The following ZNF263 variants were observed in gnomAD, a reference collection of about 807,000 sequenced individuals.
The protein encoded by ZNF263 is zinc finger protein FPM315.
A neutral mutation model predicts 63.1 loss-of-function variants in ZNF263; 49 were observed. That is an observed-to-expected ratio of 0.78 (90% CI 0.62 to 0.99). The LOEUF (loss-of-function observed/expected upper bound fraction) is 0.99. Among genes scored for constraint, ZNF263 ranks in the 50% least tolerant of loss-of-function variants. The probability of loss-of-function intolerance (pLI) is 0.00; values close to 1 mark genes in which losing one functional copy is unlikely to be tolerated. For synonymous variants in ZNF263, 352 were observed against 324.2 expected, an observed-to-expected ratio of 1.09 and a Z score of -0.92; for missense variants, 872 against 854.8, an observed-to-expected ratio of 1.02 and a Z score of -0.25.
At chr16:3,294,000 A>C (rs1002063907), downstream of ZNF263, among the ~76,000 whole-genome samples, 1 of 152,174 alleles carries the variant, frequency 6.6e-6, no homozygotes, top group African/African-American at 2.4e-5. Context: ...ATCTCGGCTC[A>C]CTGCAAGCTT....
downstream of ZNF263, among the ~76,000 whole-genome samples, chr16:3,294,184 C>G (rs1209198349): frequency 6.6e-6 from 1 of 152,230 alleles, no homozygotes; most frequent in East Asian, 1.9e-4. Context: ...CTCGGCCTCC[C>G]AAAGTGCTGG....
chr16:3,291,587 G>C (rs117869569), downstream of ZNF263: 7,945 of 792,504 alleles, frequency 0.01, 44 homozygotes, highest in Non-Finnish European at 0.011. Context: ...TGCTGACAAA[G>C]GAGGCAGCAG....
chr16:3,300,590 T>A, intron 2 of ZNF263: 3 of 1,592,934 alleles, frequency 1.9e-6, no homozygotes, highest in Non-Finnish European at 2.6e-6. Flanking sequence ...AAATTCAGTG[T>A]TGTATATTTC....
At chr16:3,301,054 A>C (rs1476200011) in exon 3 of ZNF263, 1 of 170,962 alleles carries the variant, frequency 5.8e-6, no homozygotes, top group Non-Finnish European at 1.4e-5. Flanking sequence ...ATAAAAACTG[A>C]TGCTTCAGAA....
intron 1 of ZNF263, chr16:3,299,002 G>C (rs755611172): frequency 7.5e-7 from 1 of 1,324,684 alleles, no homozygotes; most frequent in Non-Finnish European, 9.8e-7. Context: ...CCCACTGAAG[G>C]AGTCCTTAAT....
chr16:3,300,361 T>A (rs771163241), intron 2 of ZNF263: 4 of 1,614,252 alleles, frequency 2.5e-6, no homozygotes, highest in Non-Finnish European at 3.4e-6. Context: ...GTACCACATG[T>A]AGACCGCATC....
downstream of ZNF263, among the ~76,000 whole-genome samples, chr16:3,294,884 G>A (rs772417713): frequency 1.3e-5 from 2 of 152,202 alleles, no homozygotes; most frequent in South Asian, 4.1e-4. Context: ...AAAACATTAA[G>A]GAGTATCGTT....
chr16:3,300,203 G>T lies in ZNF263; in HGVS notation c.*47-710G>T, dbSNP rs1323403733. 3.7e-6 allele frequency: 6 copies of T among 1,613,912 alleles called. No homozygotes were observed. The Admixed American group carries it at 5.0e-5, about 13-fold the overall frequency. ...AGGACTTGTTCCCCACATCCTTTTC[G>T]GTTCCCAATTGCATGCCGATTTCGA... On this transcript the variant is annotated intron_variant, in intron 2 of 2. Coordinates refer to the ZNF263 transcript ENST00000574674.
chr16:3,298,308 C>T (rs1959821811), intron 1 of ZNF263, among the ~76,000 whole-genome samples: 1 of 152,162 alleles, frequency 6.6e-6, no homozygotes, highest in African/African-American at 2.4e-5. Flanking sequence ...AAAGGGAAGT[C>T]ATTATTATGA....
chr16:3,289,741 C>T lies in ZNF263; in HGVS notation c.1235C>T (p.Thr412Ile), dbSNP rs756739328. The change falls in exon 6 of 6, where the codon ACT becomes ATT. Residue 412 changes from threonine to isoleucine, a missense_variant. Thr to Ile is a moderately conservative substitution (Grantham distance 89). Coordinates refer to ENST00000219069, the MANE Select transcript of ZNF263 (RefSeq NM_005741.5). ...AGACTGTGTATGGGTGTGGACTGCA[C>T]TGAAATCTTTGGTGGGAACCCACGT... ...AERLCMGVDC[T>I]EIFGGNPRFL... 15 of 1,614,034 alleles carry T rather than the reference C, an allele frequency of 9.3e-6. No individual in the cohort carries two copies. The South Asian group carries it at 1.3e-4, about 14-fold the overall frequency.
chr16:3,285,835 G>T, intron 3 of ZNF263, 81 bp downstream of exon 3: 6 of 1,560,180 alleles, frequency 3.8e-6, no homozygotes, highest in Non-Finnish European at 5.3e-6. Context: ...CATGTGGAAG[G>T]TCCTTTGTCC....
chr16:3,288,598 C>G, intron 5 of ZNF263, 28 bp downstream of exon 5: 3 of 1,522,130 alleles, frequency 2.0e-6, no homozygotes, highest in Non-Finnish European at 2.7e-6. Flanking sequence ...GTGGCCTGCG[C>G]AGCAAGCAGC....
chr16:3,290,052 C>T lies in ZNF263; in HGVS notation c.1546C>T (p.Arg516Ter), dbSNP rs368518042. 8 of 1,613,820 alleles carry T rather than the reference C, an allele frequency of 5.0e-6. No individual in the cohort carries two copies. Among genetic ancestry groups the T allele is most frequent in the Non-Finnish European group, 3.4e-6 (4 of 1,179,930 alleles). The change falls in exon 6 of 6, where the codon CGA becomes TGA. Residue 516 changes from arginine to a stop codon, truncating the protein, a stop_gained. Transcript: ENST00000219069. LOFTEE classifies it high-confidence loss of function. ...GCACCAGAGAATTCACACTGGAGAG[C>T]GACCTTATAAGTGTCCCGAGTGTGG... ...LRHQRIHTGERPYKCPECGKS... is the reference protein window; with the variant it reads ...LRHQRIHTGE
chr16:3,288,121 G>A (rs1959448743), intron 4 of ZNF263, among the ~76,000 whole-genome samples: 1 of 151,850 alleles, frequency 6.6e-6, no homozygotes. Flanking sequence ...GTGTGGTGGT[G>A]CACGCCTGTA....
At chr16:3,298,110 A>T (rs1959812982) in intron 1 of ZNF263, among the ~76,000 whole-genome samples, 1 of 152,180 alleles carries the variant, frequency 6.6e-6, no homozygotes, top group South Asian at 2.1e-4. Context: ...GTATTAAAAA[A>T]CCATCAAATG....
At chr16:3,293,657 G>C (rs1213697902), downstream of ZNF263, among the ~76,000 whole-genome samples, 1 of 152,204 alleles carries the variant, frequency 6.6e-6, no homozygotes, top group Non-Finnish European at 1.5e-5. Flanking sequence ...CACATCCTTA[G>C]CAAAGGTAGC....
Position 3,283,493 on chromosome 16 carries a change from C to G in ZNF263, c.-326C>G, listed in dbSNP as rs965698783. On this transcript the variant is annotated 5_prime_UTR_variant, in exon 1 of 6. Coordinates refer to ENST00000219069, the MANE Select transcript of ZNF263 (RefSeq NM_005741.5). ...GCGCCGTGGGCTTGTGGACGCCTAA[C>G]TTGCGCGCTGAGATTTCCGGCGTGG... 3 of 235,826 alleles carry G rather than the reference C, an allele frequency of 1.3e-5. No individual in the cohort carries two copies. Among genetic ancestry groups the G allele is most frequent in the East Asian group, 8.3e-5 (1 of 11,988 alleles). The allele number at this position is 235,826 out of a possible 1,614,324, so 14.6% of individuals were successfully genotyped here.
At chr16:3,300,423 T>A in intron 2 of ZNF263, 1 of 1,614,218 alleles carries the variant, frequency 6.2e-7, no homozygotes, top group Non-Finnish European at 8.5e-7. Context: ...TCTCAGCCCC[T>A]ACTAATGGCA....
At chr16:3,291,567 G>C (rs532745731), downstream of ZNF263, 2 of 920,140 alleles carry the variant, frequency 2.2e-6, no homozygotes, top group Non-Finnish European at 2.6e-6. Context: ...TACTGGGTTG[G>C]TCAGGAAGAT....
Sources: allele counts gnomAD v4.1 joint callset (sites outside exome capture counted in the v4.1 genomes callset), GRCh38; gene constraint gnomAD v4.1.1; transcripts MANE v1.5; gene names NCBI Gene and HGNC (gene_info 2026-07-23, HGNC 2026-07-21).